COL6A6: variants seen among roughly 807,000 people sequenced by gnomAD.
The protein encoded by COL6A6 is collagen type VI alpha 6 chain.
COL6A6 carries 183 observed loss-of-function variants against 208.6 expected under a neutral mutation model. The ratio of observed to expected loss-of-function variants is 0.88; its 90% confidence interval spans 0.78 to 0.99. The LOEUF (loss-of-function observed/expected upper bound fraction) is 0.99, where lower values mean the gene tolerates loss of function less well. Ranked by LOEUF, COL6A6 falls within the 50% of genes least tolerant of loss-of-function variation. The pLI, the probability that COL6A6 is intolerant of heterozygous loss-of-function variation, is 0.00. For missense variants in COL6A6, 2,816 were observed against 2,815.2 expected (o/e 1.00, Z -0.01); for synonymous variants, 973 against 1,011.8 (o/e 0.96, Z 0.73).
intron 31 of COL6A6, among the ~76,000 whole-genome samples, chr3:130,644,790 T>C (rs917890006): frequency 1.3e-5 from 2 of 152,236 alleles, no homozygotes; most frequent in Non-Finnish European, 2.9e-5. Context: ...TTGTCCCATT[T>C]CTCACATCCT....
At chr3:130,539,470 C>T (rs2062304690) in intron 1 of COL6A6, among the ~76,000 whole-genome samples, 1 of 152,116 alleles carries the variant, frequency 6.6e-6, no homozygotes, top group African/African-American at 2.4e-5. Flanking sequence ...CCCGTCTCTA[C>T]TAAAAATACA....
intron 2 of COL6A6, among the ~76,000 whole-genome samples, chr3:130,562,337 A>G (rs1230810683): frequency 6.6e-6 from 1 of 152,240 alleles, no homozygotes; most frequent in Non-Finnish European, 1.5e-5. Context: ...AACTAAAACT[A>G]GAATCCCTTT....
intron 8 of COL6A6, among the ~76,000 whole-genome samples, chr3:130,576,448 T>C (rs2063299349): frequency 6.6e-6 from 1 of 152,192 alleles, no homozygotes; most frequent in Non-Finnish European, 1.5e-5. Context: ...AAGTTCTGCT[T>C]CACATACTTT....
chr3:130,606,886 G>T (rs1169693594), intron 20 of COL6A6, 45 bp from the exon 21 acceptor site: 2 of 1,523,428 alleles, frequency 1.3e-6, no homozygotes, highest in African/African-American at 2.8e-5. Context: ...TATATAAAAA[G>T]CATTTTTTCT....
chr3:130,666,158 G>A (rs934903452), intron 36 of COL6A6, among the ~76,000 whole-genome samples: 9 of 152,112 alleles, frequency 5.9e-5, no homozygotes, highest in African/African-American at 2.2e-4. Context: ...TAGAATGGGA[G>A]ACAAATGAGA....
chr3:130,563,202 G>T lies in COL6A6; in HGVS notation c.199G>T (p.Ala67Ser). 10 of 1,613,944 alleles carry T rather than the reference G, an allele frequency of 6.2e-6. No homozygotes were observed. The highest frequency in any genetic ancestry group is 7.6e-6 in the Non-Finnish European group (9 of 1,179,888). Residue 67 changes from alanine to serine, a missense_variant, in exon 3 of 37, where the codon GCC (alanine) becomes TCC (serine). By Grantham distance (99) the Ala-to-Ser change is moderately conservative (BLOSUM62 1). Transcript: ENST00000358511. Reference sequence around the variant, plus strand: ...CATAGAGGCCGACAAATACCGTGTGGCCCTGGCCCAGTACAGTGATAAACT... The same window carrying T: ...CATAGAGGCCGACAAATACCGTGTGTCCCTGGCCCAGTACAGTGATAAACT... ...LPIEADKYRV[A>S]LAQYSDKLHS...
At chr3:130,552,104 ATGTATAT>A (rs2062656747) in intron 1 of COL6A6, among the ~76,000 whole-genome samples, 1 of 152,140 alleles carries the variant, frequency 6.6e-6, no homozygotes, top group Admixed American at 6.5e-5. Context: ...GATGAAAATA[ATGTATAT>A]TCTATTGCTT....
intron 1 of COL6A6, among the ~76,000 whole-genome samples, chr3:130,532,252 G>A (rs2062114606): frequency 6.6e-6 from 1 of 152,138 alleles, no homozygotes; most frequent in African/African-American, 2.4e-5. Context: ...TATTCACTCA[G>A]GGAGTACCTG....
At chr3:130,587,948 C>T (rs1373429642) in intron 11 of COL6A6, among the ~76,000 whole-genome samples, 2 of 152,130 alleles carry the variant, frequency 1.3e-5, no homozygotes, top group East Asian at 3.9e-4. Flanking sequence ...ACAAACCTCT[C>T]AGTTTTTGTA....
At chr3:130,559,063 A>G (rs774457931) in intron 1 of COL6A6, among the ~76,000 whole-genome samples, 13 of 152,234 alleles carry the variant, frequency 8.5e-5, no homozygotes, top group African/African-American at 1.4e-4. Flanking sequence ...GTTGTTACCA[A>G]TATCAAACAG....
rs761738560 is a variant in COL6A6, at chr3:130,610,650, G to T, written c.4754G>T (p.Gly1585Val). 2.5e-6 allele frequency: 4 copies of T among 1,586,204 alleles called. No individual in the cohort carries two copies. The highest frequency in any genetic ancestry group is 3.4e-6 in the Non-Finnish European group (4 of 1,164,756). ...EGSLGLKGPQGPRGEAGVKGE... is the reference protein window; with the variant it reads ...EGSLGLKGPQVPRGEAGVKGE... ...AATGCTTTAATTCTATGTACTTAGG[G>T]CCCAAGAGGAGAGGCTGGTGTGAAA... The change falls in exon 23 of 37, where the codon GGC (glycine) becomes GTC (valine). Residue 1585 changes from glycine to valine, a missense_variant and splice_region_variant. Physicochemically the swap from Gly to Val is moderately radical, Grantham distance 109. Transcript: ENST00000358511.
At chr3:130,546,396 G>T (rs954169405) in intron 1 of COL6A6, among the ~76,000 whole-genome samples, 1 of 152,180 alleles carries the variant, frequency 6.6e-6, no homozygotes, top group Non-Finnish European at 1.5e-5. Flanking sequence ...TCTTCGAGGT[G>T]AGTGTTTACA....
chr3:130,657,333 T>G (rs1415455646), intron 33 of COL6A6, among the ~76,000 whole-genome samples: 2 of 152,168 alleles, frequency 1.3e-5, no homozygotes, highest in African/African-American at 4.8e-5. Context: ...CAGTGGCCAC[T>G]CCAGATGGGC....
At chr3:130,601,296 G>T (rs556245260) in intron 20 of COL6A6, among the ~76,000 whole-genome samples, 18 of 150,196 alleles carry the variant, frequency 1.2e-4, no homozygotes, top group African/African-American at 3.9e-4. Context: ...CTGAGCAGAA[G>T]TTTATAGAGC....
intron 1 of COL6A6, among the ~76,000 whole-genome samples, chr3:130,552,408 T>TA (rs372244737): frequency 1.5e-4 from 23 of 152,204 alleles, no homozygotes; most frequent in Admixed American, 1.1e-3. Flanking sequence ...GTCTTTTTTT[T>TA]ATCTTTGTTG....
At chr3:130,521,901 T>C (rs1711092976) in intron 1 of COL6A6, among the ~76,000 whole-genome samples, 2 of 151,260 alleles carry the variant, frequency 1.3e-5, no homozygotes, top group South Asian at 2.1e-4. Context: ...CTGCTCATAG[T>C]GGTAACCTAC....
intron 12 of COL6A6, among the ~76,000 whole-genome samples, chr3:130,589,800 T>G (rs1032271059): frequency 7.2e-5 from 11 of 152,366 alleles, no homozygotes; most frequent in Admixed American, 7.2e-4. Context: ...TTAAGAAATG[T>G]TTAAATACAT....
At chr3:130,531,015 T>TACACAC (rs58738761) in intron 1 of COL6A6, among the ~76,000 whole-genome samples, 2 of 143,774 alleles carry the variant, frequency 1.4e-5, no homozygotes, top group African/African-American at 5.3e-5. Context: ...CCCCCTCCTC[T>TACACAC]ACACACACAC....
Position 130,565,174 on chromosome 3 carries a change from A to G in COL6A6, c.842A>G (p.Asn281Ser). The change falls in exon 4 of 37, where the codon AAT becomes AGT. Residue 281 changes from asparagine to serine, a missense_variant. Physicochemically the swap from Asn to Ser is conservative, Grantham distance 46. Coordinates refer to ENST00000358511, the MANE Select transcript of COL6A6 (RefSeq NM_001102608.3). ...TATAGCAATGAGACAAAAGTGATAA[A>G]TTCACTGAGCATGGGCATAAATAAG... ...VAYSNETKVI[N>S]SLSMGINKSE... 5 of 1,614,006 alleles carry G rather than the reference A, an allele frequency of 3.1e-6. No individual in the cohort carries two copies. Among genetic ancestry groups the G allele is most frequent in the Non-Finnish European group, 4.2e-6 (5 of 1,179,850 alleles).
Sources: gnomAD v4.1 joint callset for allele counts (sites outside exome capture counted in the v4.1 genomes callset) on GRCh38, gnomAD v4.1.1 for gene constraint, MANE v1.5 for transcripts, NCBI Gene and HGNC (gene_info 2026-07-23, HGNC 2026-07-21) for gene names.